Variants in EGF observed in about 807,000 individuals in gnomAD.
The protein encoded by EGF is epidermal growth factor.
A neutral mutation model predicts 143.8 loss-of-function variants in EGF; 95 were observed. The observed-to-expected ratio is 0.66, with a 90% confidence interval of 0.56 to 0.78. The LOEUF (loss-of-function observed/expected upper bound fraction) is 0.78. Among genes scored for constraint, EGF ranks in the 30% least tolerant of loss-of-function variants. The pLI is 0.00. For synonymous variants in EGF, 510 were observed against 510.5 expected (o/e 1.00, Z 0.01); for missense variants, 1,320 against 1,470.9 (o/e 0.90, Z 1.68).
intron 22 of EGF, among the ~76,000 whole-genome samples, chr4:110,007,554 C>T (rs1329374417): frequency 2.6e-5 from 4 of 152,164 alleles, no homozygotes; most frequent in African/African-American, 9.7e-5. Flanking sequence ...TTTGATAATA[C>T]AAATAATGAC....
rs116719259 is a variant in EGF at position 109,985,453 on chromosome 4, C to T, written c.2491+1912C>T. 5.4e-3 allele frequency among the ~76,000 whole-genome samples: 828 copies of T among 152,308 alleles called. 7 individuals are homozygous for T. The highest frequency in any genetic ancestry group is 0.019 in the African/African-American group (797 of 41,562). ...CCCTGTATGAAACAACCTTTAGACA[C>T]CTCCCCAGCCTCAACAAGGGCTCAC... is the stretch of plus-strand genomic sequence containing the variant. On this transcript the variant is annotated intron_variant, in intron 16 of 23. Coordinates refer to ENST00000265171, the MANE Select transcript of EGF (RefSeq NM_001963.6).
intron 1 of EGF, among the ~76,000 whole-genome samples, chr4:109,939,472 A>G (rs546651157): frequency 2.6e-5 from 4 of 152,186 alleles, no homozygotes; most frequent in South Asian, 4.1e-4. Flanking sequence ...AGGAAAGGGA[A>G]ATCCCCTGAC....
At chr4:109,962,451 TAGC>T (rs1398336699) in intron 8 of EGF, among the ~76,000 whole-genome samples, 1 of 152,222 alleles carries the variant, frequency 6.6e-6, no homozygotes, top group African/African-American at 2.4e-5. Flanking sequence ...AACTCAGAAT[TAGC>T]AGAAGAATTG....
chr4:109,970,978 TTGAG>T (rs1747555079), intron 11 of EGF, among the ~76,000 whole-genome samples: 1 of 152,182 alleles, frequency 6.6e-6, no homozygotes, highest in South Asian at 2.1e-4. Context: ...TCTTTATTAT[TTGAG>T]TATTTATTTA....
At chr4:109,981,532 C>T (rs1006385913) in intron 15 of EGF, among the ~76,000 whole-genome samples, 25 of 152,254 alleles carry the variant, frequency 1.6e-4, no homozygotes, top group African/African-American at 6.0e-4. Context: ...TACTTATTTG[C>T]CTCCCTTGAA....
Position 110,011,337 on chromosome 4 carries a change from C to T in EGF, c.3506C>T (p.Ser1169Phe). The T allele has an allele frequency of 1.2e-6, 2 of 1,614,138 alleles. No homozygotes were observed. Among genetic ancestry groups the T allele is most frequent in the Non-Finnish European group, 1.7e-6 (2 of 1,180,020 alleles). The change falls in exon 24 of 24, where the codon TCC becomes TTC. Residue 1169 changes from serine (S) to phenylalanine (F), a missense_variant. Transcript: ENST00000265171. ...QVMERSFHMP[S>F]YGTQTLEGGV... ...ATGGAGCGAAGCTTTCATATGCCCT[C>T]CTATGGGACACAGACCCTTGAAGGG... is the stretch of plus-strand genomic sequence containing the variant.
intron 8 of EGF, among the ~76,000 whole-genome samples, chr4:109,962,752 G>A (rs1319300428): frequency 6.6e-6 from 1 of 152,108 alleles, no homozygotes; most frequent in African/African-American, 2.4e-5. Flanking sequence ...CCATATGAAT[G>A]ATTGTGGAAA....
At chr4:110,003,138 T>A (rs1578400850) in intron 21 of EGF, among the ~76,000 whole-genome samples, 1 of 152,312 alleles carries the variant, frequency 6.6e-6, no homozygotes, top group Non-Finnish European at 1.5e-5. Flanking sequence ...CATCCATGTG[T>A]CTTTATGGTA....
chr4:109,942,733 C>T (rs769912165), intron 2 of EGF, among the ~76,000 whole-genome samples: 9 of 152,006 alleles, frequency 5.9e-5, no homozygotes, highest in East Asian at 1.9e-4. Context: ...CACAGTGTGA[C>T]GGCATGAAGG....
chr4:109,957,578 G>A (rs1363027864), intron 5 of EGF, among the ~76,000 whole-genome samples: 2 of 152,224 alleles, frequency 1.3e-5, no homozygotes, highest in Non-Finnish European at 2.9e-5. Context: ...GAGATTTGAA[G>A]TAGAAGCAAA....
intron 1 of EGF, among the ~76,000 whole-genome samples, chr4:109,932,360 C>CATATATATATATATATATATTTATAT (rs57424246): frequency 1.1e-5 from 1 of 87,052 alleles, no homozygotes; most frequent in Non-Finnish European, 2.3e-5. Flanking sequence ...CCCATTTAGT[C>CATATATATATATATATATATTTATAT]ATATATATAT....
chr4:109,952,627 C>T (rs1220179000), intron 5 of EGF, among the ~76,000 whole-genome samples: 4 of 152,148 alleles, frequency 2.6e-5, no homozygotes, highest in Non-Finnish European at 4.4e-5. Context: ...TTAGTTTAAA[C>T]ACATAAAATT....
intron 11 of EGF, among the ~76,000 whole-genome samples, chr4:109,970,763 T>A (rs775589747): frequency 2.1e-4 from 30 of 141,768 alleles, no homozygotes; most frequent in Non-Finnish European, 3.6e-4. Flanking sequence ...AGGCGGAGCT[T>A]GCAGTGAGCG....
chr4:109,984,509 C>T (rs1749848004), intron 16 of EGF, among the ~76,000 whole-genome samples: 1 of 152,016 alleles, frequency 6.6e-6, no homozygotes, highest in South Asian at 2.1e-4. Context: ...CCAGGATTCC[C>T]AAGTATATCA....
At chr4:109,979,622 G>A (rs1198292776) in intron 13 of EGF, among the ~76,000 whole-genome samples, 1 of 152,176 alleles carries the variant, frequency 6.6e-6, no homozygotes, top group Admixed American at 6.5e-5. Flanking sequence ...AGTTACTCGA[G>A]TTTAGTCTAT....
At chr4:109,976,324 A>G in intron 13 of EGF, 89 bp downstream of exon 13, 2 of 1,116,568 alleles carry the variant, frequency 1.8e-6, no homozygotes, top group African/African-American at 1.5e-5. Flanking sequence ...CACACATACC[A>G]CTTAGCCGTA....
chr4:109,959,491 G>A, intron 6 of EGF, 54 bp downstream of exon 6: 1 of 1,611,674 alleles, frequency 6.2e-7, no homozygotes, highest in African/African-American at 1.3e-5. Context: ...TTGAGGGGAG[G>A]AATGCTCAAC....
chr4:109,936,261 TG>T (rs765818863), intron 1 of EGF, among the ~76,000 whole-genome samples: 2 of 152,334 alleles, frequency 1.3e-5, no homozygotes, highest in South Asian at 2.1e-4. Context: ...AACTTCTTCC[TG>T]GTTTAGTCTT....
At chr4:109,944,624 G>A (rs186322642) in intron 4 of EGF, among the ~76,000 whole-genome samples, 95 of 152,300 alleles carry the variant, frequency 6.2e-4, no homozygotes, top group African/African-American at 2.1e-3. Context: ...AGAGTATTTG[G>A]CACATAATAA....
Sources: allele counts gnomAD v4.1 joint callset (sites outside exome capture counted in the v4.1 genomes callset), GRCh38; gene constraint gnomAD v4.1.1; transcripts MANE v1.5; gene names NCBI Gene and HGNC (gene_info 2026-07-23, HGNC 2026-07-21).